ALK: variants seen among roughly 807,000 people sequenced by gnomAD.
ALK encodes the protein ALK receptor tyrosine kinase.
Under a neutral mutation model 163.1 loss-of-function variants are expected in ALK, and 74 were observed. The observed-to-expected ratio is 0.45, with a 90% confidence interval of 0.38 to 0.55. The LOEUF (loss-of-function observed/expected upper bound fraction) is 0.55, where lower values mean the gene tolerates loss of function less well. ALK is among the 20% of genes least tolerant of loss of function. ALK has a pLI of 0.00. For synonymous variants in ALK, 960 were observed against 843.2 expected, an observed-to-expected ratio of 1.14 and a Z score of -2.40; for missense variants, 2,063 against 2,105.3, an observed-to-expected ratio of 0.98 and a Z score of 0.39.
At chr2:29,217,809 G>A (rs1383794980) in intron 23 of ALK, among the ~76,000 whole-genome samples, 1 of 152,152 alleles carries the variant, frequency 6.6e-6, no homozygotes, top group Non-Finnish European at 1.5e-5. Flanking sequence ...AGCGAATCAG[G>A]TGGAATTCAG....
Position 29,385,216 on chromosome 2 carries a change from T to A in ALK, c.1155-1357A>T, listed in dbSNP as rs78444838. 7.9e-3 allele frequency among the ~76,000 whole-genome samples: 1,204 copies of A among 152,126 alleles called. 10 individuals are homozygous for A. The highest frequency in any genetic ancestry group is 0.05 in the South Asian group (239 of 4,812). On this transcript the variant is annotated intron_variant, in intron 4 of 28. Coordinates refer to ENST00000389048, the MANE Select transcript of ALK (RefSeq NM_004304.5). ...TAGCTTTCCATTAAATAAATTTTTT[T>A]AAATATTTCCACCCCCTAAATATAA...
chr2:29,378,506 G>A (rs1343453518), intron 5 of ALK, among the ~76,000 whole-genome samples: 1 of 152,098 alleles, frequency 6.6e-6, no homozygotes, highest in Non-Finnish European at 1.5e-5. Context: ...AGGTCTCCGT[G>A]CCTTGATTTC....
intron 6 of ALK, among the ~76,000 whole-genome samples, chr2:29,327,398 A>T (rs1461366855): frequency 6.6e-6 from 1 of 152,244 alleles, no homozygotes; most frequent in Non-Finnish European, 1.5e-5. Context: ...TCCATAAAAC[A>T]TAATGGATGC....
chr2:29,221,800 C>G (rs1418401453), intron 22 of ALK, among the ~76,000 whole-genome samples: 3 of 152,170 alleles, frequency 2.0e-5, no homozygotes, highest in African/African-American at 7.2e-5. Flanking sequence ...GGTCAAATAT[C>G]TGCCCCCTCC....
chr2:29,525,207 C>T (rs917039064), intron 4 of ALK, among the ~76,000 whole-genome samples: 2 of 152,198 alleles, frequency 1.3e-5, no homozygotes, highest in East Asian at 1.9e-4. Context: ...CAGGATTAGG[C>T]CAGGGTTGGA....
chr2:29,211,655 G>A (rs1475235952), intron 24 of ALK, among the ~76,000 whole-genome samples: 2 of 152,206 alleles, frequency 1.3e-5, no homozygotes, highest in Non-Finnish European at 2.9e-5. Context: ...GCAGATAAAG[G>A]GTGGAGGGAG....
At position 29,463,517 on chromosome 2, in the gene ALK, G is replaced by A. The variant is rs140756521; in HGVS notation, c.1154+68398C>T. Among the ~76,000 whole-genome samples, 6 of 152,234 alleles carry A rather than the reference G, an allele frequency of 3.9e-5. No homozygotes were observed. The East Asian group carries it at 1.2e-3, about 29-fold the overall frequency. ...AGCTGGAAATCTAGAAAAAATGGTG[G>A]GTTTCAGCCACTGAACAACAGACAG... On this transcript the variant is annotated intron_variant, in intron 4 of 28. Transcript: ENST00000389048.
chr2:29,618,983 A>G (rs1266709167), intron 3 of ALK, among the ~76,000 whole-genome samples: 1 of 128,200 alleles, frequency 7.8e-6, no homozygotes, highest in African/African-American at 2.7e-5. Context: ...CGTCTCAAAA[A>G]ATAAATAAAA....
intron 1 of ALK, among the ~76,000 whole-genome samples, chr2:29,841,027 C>A (rs1349363953): frequency 6.6e-6 from 1 of 152,180 alleles, no homozygotes; most frequent in Non-Finnish European, 1.5e-5. Context: ...CTCTAAGAAT[C>A]ATTTTGTTAG....
chr2:29,866,758 A>G (rs1666446200), intron 1 of ALK, among the ~76,000 whole-genome samples: 1 of 152,226 alleles, frequency 6.6e-6, no homozygotes, highest in Admixed American at 6.5e-5. Flanking sequence ...AGAGTCTGAA[A>G]GAAAATTCTT....
chr2:29,581,333 A>G (rs1375401401), intron 3 of ALK, among the ~76,000 whole-genome samples: 4 of 152,210 alleles, frequency 2.6e-5, no homozygotes, highest in Non-Finnish European at 5.9e-5. Flanking sequence ...GGTTGCAGTG[A>G]GCCGAGATTG....
intron 5 of ALK, among the ~76,000 whole-genome samples, chr2:29,363,389 GC>G (rs1668427417): frequency 6.6e-6 from 1 of 152,174 alleles, no homozygotes; most frequent in Non-Finnish European, 1.5e-5. Context: ...ATGGAGTGGC[GC>G]CTTTCTGAGC....
intron 4 of ALK, among the ~76,000 whole-genome samples, chr2:29,477,957 G>GA (rs1671567698): frequency 6.6e-6 from 1 of 152,180 alleles, no homozygotes; most frequent in Non-Finnish European, 1.5e-5. Flanking sequence ...ATAACACGTT[G>GA]ATTTTAAGCA....
chr2:29,378,976 G>A (rs1473243344), intron 5 of ALK, among the ~76,000 whole-genome samples: 1 of 152,162 alleles, frequency 6.6e-6, no homozygotes, highest in African/African-American at 2.4e-5. Flanking sequence ...GCCTCCCAAA[G>A]TGCTGGAATT....
In ALK at chr2:29,768,713, C is replaced by CTATGTGTGTGTGTGTGTG. The variant is rs149394341; in HGVS notation, c.668-51017_668-51016insCACACACACACACACATA. Among the ~76,000 whole-genome samples the CTATGTGTGTGTGTGTGTG allele has an allele frequency of 3.6e-3, 521 of 142,932 alleles. 4 individuals are homozygous for CTATGTGTGTGTGTGTGTG. Among genetic ancestry groups the CTATGTGTGTGTGTGTGTG allele is most frequent in the African/African-American group, 0.013 (495 of 39,020 alleles). 93.8% of individuals were successfully genotyped at this position (142,932 alleles called of 152,430 possible). Reference sequence around the variant, plus strand: ...TATAATTTTATTAAATTATATATGTCTGTGTGTGTGTGTGTGTGTGTGTGT... The same window carrying CTATGTGTGTGTGTGTGTG: ...TATAATTTTATTAAATTATATATGTCTATGTGTGTGTGTGTGTGTGTGTGTGTGTGTGTGTGTGTGTGT... On this transcript the variant is annotated intron_variant, in intron 1 of 28. Transcript: ENST00000389048.
rs1271239593 is a variant in ALK, at chr2:29,225,449, C to G, written c.3172+12G>C. 1.2e-6 allele frequency: 2 copies of G among 1,608,334 alleles called. No homozygotes were observed. The highest frequency in any genetic ancestry group is 1.7e-6 in the Non-Finnish European group (2 of 1,176,892). ...TGCCCCCTTGGGAGTCCCTGGGGCT[C>G]TGTGCACTCACCAATCATGATGCCG... On this transcript the variant is annotated intron_variant, in intron 19 of 28. Transcript: ENST00000389048.
intron 1 of ALK, among the ~76,000 whole-genome samples, chr2:29,805,056 C>A (rs1186858128): frequency 6.6e-6 from 1 of 152,146 alleles, no homozygotes; most frequent in Non-Finnish European, 1.5e-5. Context: ...CTGTCAGCCT[C>A]TTTTTCAGCC....
chr2:29,395,129 C>G (rs1433630232), intron 4 of ALK, among the ~76,000 whole-genome samples: 1 of 152,228 alleles, frequency 6.6e-6, no homozygotes, highest in African/African-American at 2.4e-5. Context: ...CCTAGAGAGG[C>G]AGCCTAAATA....
intron 1 of ALK, among the ~76,000 whole-genome samples, chr2:29,771,742 G>A (rs899320959): frequency 6.6e-6 from 1 of 151,986 alleles, no homozygotes; most frequent in African/African-American, 2.4e-5. Context: ...CACCGTGTTA[G>A]CCAGGATGGT....
Sources: allele counts gnomAD v4.1 joint callset (sites outside exome capture counted in the v4.1 genomes callset), GRCh38; gene constraint gnomAD v4.1.1; transcripts MANE v1.5; gene names NCBI Gene and HGNC (gene_info 2026-07-23, HGNC 2026-07-21).